Variants in MEGF11 observed in about 807,000 individuals in gnomAD.
MEGF11 encodes the protein multiple EGF like domains 11, also known as multiple epidermal growth factor-like domains protein 11.
A neutral mutation model predicts 146.6 loss-of-function variants in MEGF11; 126 were observed. That is an observed-to-expected ratio of 0.86 (90% CI 0.74 to 1.00). The LOEUF is 1.00. Ranked by LOEUF, MEGF11 falls within the 50% of genes least tolerant of loss-of-function variation. The pLI is 0.00. For synonymous variants in MEGF11, 532 were observed against 583.4 expected (o/e 0.91, Z 1.27); for missense variants, 1,509 against 1,521.2 (o/e 0.99, Z 0.13).
intron 8 of MEGF11, among the ~76,000 whole-genome samples, chr15:65,969,212 G>A (rs1193734151): frequency 6.6e-6 from 1 of 152,204 alleles, no homozygotes. Flanking sequence ...GAGTCCAGCC[G>A]GCTAGAGCCC....
At chr15:65,959,383 C>G (rs1218484370) in intron 9 of MEGF11, among the ~76,000 whole-genome samples, 1 of 152,206 alleles carries the variant, frequency 6.6e-6, no homozygotes, top group Non-Finnish European at 1.5e-5. Flanking sequence ...CTGAATAATA[C>G]TTGCAAGTAG....
intron 5 of MEGF11, among the ~76,000 whole-genome samples, chr15:66,074,635 A>G (rs986435171): frequency 6.6e-6 from 1 of 152,250 alleles, no homozygotes; most frequent in Non-Finnish European, 1.5e-5. Context: ...ACATGACATG[A>G]AATGAATTTA....
chr15:65,928,317 T>A, intron 13 of MEGF11, 108 bp downstream of exon 13: 1 of 625,686 alleles, frequency 1.6e-6, no homozygotes. Flanking sequence ...AGATGCATAC[T>A]CAGGGATCAA....
At chr15:66,180,408 C>A (rs1266814059) in intron 1 of MEGF11, among the ~76,000 whole-genome samples, 1 of 152,192 alleles carries the variant, frequency 6.6e-6, no homozygotes, top group Non-Finnish European at 1.5e-5. Flanking sequence ...CACACACAAC[C>A]CCTCCCCATA....
chr15:66,199,703 T>C (rs1388928477), intron 1 of MEGF11, among the ~76,000 whole-genome samples: 1 of 152,148 alleles, frequency 6.6e-6, no homozygotes, highest in East Asian at 1.9e-4. Context: ...GCAGGAGGAT[T>C]GGTTTGGCCC....
rs189161421 is a variant in MEGF11 at position 66,153,526 on chromosome 15, T to A, written c.-8-25115A>T. Among the ~76,000 whole-genome samples, 35 of 152,038 alleles carry A rather than the reference T, an allele frequency of 2.3e-4. No homozygotes were observed. In the East Asian group the frequency reaches 6.6e-3, roughly 29 times the overall value. On this transcript the variant is annotated intron_variant, in intron 1 of 25. Transcript: ENST00000395614. ...AGGCAGAGGTTGCAGTGAGCCGAGATCATGCCACTGCACTCCAACCTGGGC... is the reference window on the plus strand; with the variant it reads ...AGGCAGAGGTTGCAGTGAGCCGAGAACATGCCACTGCACTCCAACCTGGGC...
Position 66,203,618 on chromosome 15 carries a change from C to T in MEGF11, c.-9+49987G>A, listed in dbSNP as rs191942510. Reference sequence around the variant, plus strand: ...CAGAGAGAAACTGAGTCAGAGAGTCCCAGCTTTGACCCCCTAAGCACCTTT... The same window carrying T: ...CAGAGAGAAACTGAGTCAGAGAGTCTCAGCTTTGACCCCCTAAGCACCTTT... On this transcript the variant is annotated intron_variant, in intron 1 of 25. Transcript: ENST00000395614. Among the ~76,000 whole-genome samples, 21 of 152,224 alleles carry T rather than the reference C, an allele frequency of 1.4e-4. No homozygotes were observed. The East Asian group carries it at 4.1e-3, about 29-fold the overall frequency.
chr15:65,948,056 TTGCTC>T (rs564464157), intron 10 of MEGF11, among the ~76,000 whole-genome samples: 88 of 152,274 alleles, frequency 5.8e-4, no homozygotes, highest in Middle Eastern at 3.4e-3. Context: ...TTTCCCTACT[TTGCTC>T]TGTGAATTAA....
rs865868911 is a variant in MEGF11 at position 65,982,432 on chromosome 15, C to A, written c.451G>T (p.Gly151Cys). 1 of 1,496,596 alleles carries A rather than the reference C, an allele frequency of 6.7e-7. No homozygotes were observed. Among genetic ancestry groups the A allele is most frequent in the Non-Finnish European group, 8.9e-7 (1 of 1,121,048 alleles). The allele number at this position is 1,496,596 out of a possible 1,614,324, so 92.7% of individuals were successfully genotyped here. Reference protein sequence around the residue: ...HCSNRCQCQNGALCNPITGAC... With the variant: ...HCSNRCQCQNCALCNPITGAC... ...CCTGTGATGGGGTTACACAGGGCGC[C>A]GTTCTGGCACTGGCACCGGTTGCTG... Residue 151 changes from glycine to cysteine, a missense_variant, in exon 6 of 26, where the codon GGC becomes TGC. By Grantham distance (159) the Gly-to-Cys change is radical. Transcript: ENST00000395614. This position sits in a 1 kb window ranked among gnomAD's most constrained non-coding sequence, Gnocchi z 5.6.
chr15:66,112,328 C>A lies in MEGF11; in HGVS notation c.301+6758G>T, dbSNP rs572419934. On this transcript the variant is annotated intron_variant, in intron 4 of 25. Coordinates refer to ENST00000395614, the MANE Select transcript of MEGF11 (RefSeq NM_001385028.1). ...AAGCACAACATATCCGAAAAAGAAC[C>A]AATGGCACTCCTAGAAATGAAAAAA... Among the ~76,000 whole-genome samples the A allele has an allele frequency of 5.3e-5, 8 of 152,152 alleles. No homozygotes were observed. The South Asian group carries it at 8.3e-4, about 16-fold the overall frequency.
intron 1 of MEGF11, among the ~76,000 whole-genome samples, chr15:66,164,516 C>T (rs2090046332): frequency 6.6e-6 from 1 of 152,144 alleles, no homozygotes; most frequent in East Asian, 1.9e-4. Context: ...CTTCTCTGAG[C>T]TTTATTTTCC....
rs1484814314 is a variant in MEGF11, at chr15:66,148,972, C to A, written c.-8-20561G>T. ...CCACCTCACCATTTGGGGCCTCAGT[C>A]TCCAGAGCTGTAAGGAGATGCTGAA... On this transcript the variant is annotated intron_variant, in intron 1 of 25. Transcript: ENST00000395614. Among the ~76,000 whole-genome samples the A allele has an allele frequency of 2.0e-5, 3 of 152,238 alleles. No homozygotes were observed. In the East Asian group the frequency reaches 5.8e-4, roughly 29 times the overall value.
intron 5 of MEGF11, among the ~76,000 whole-genome samples, chr15:66,012,978 T>G (rs912663362): frequency 5.9e-5 from 9 of 152,266 alleles, no homozygotes; most frequent in Non-Finnish European, 8.8e-5. Flanking sequence ...GGAGATTAAC[T>G]TCCATCTCAT....
intron 1 of MEGF11, among the ~76,000 whole-genome samples, chr15:66,148,148 G>C (rs2089441249): frequency 6.6e-6 from 1 of 152,226 alleles, no homozygotes; most frequent in East Asian, 1.9e-4. Context: ...ATGGCTCTTA[G>C]TTATATGATA....
intron 1 of MEGF11, among the ~76,000 whole-genome samples, chr15:66,139,335 A>G (rs760524412): frequency 1.3e-5 from 2 of 152,340 alleles, no homozygotes; most frequent in African/African-American, 2.4e-5. Flanking sequence ...AAAATGGTAC[A>G]TAAGTCCCAG....
At chr15:66,115,311 C>T (rs958591903) in intron 4 of MEGF11, among the ~76,000 whole-genome samples, 3 of 152,214 alleles carry the variant, frequency 2.0e-5, no homozygotes, top group East Asian at 1.9e-4. Flanking sequence ...CTCCCAGGCT[C>T]ACAAGTCTCC....
At chr15:66,093,612 A>C (rs751817777) in intron 5 of MEGF11, among the ~76,000 whole-genome samples, 5 of 152,266 alleles carry the variant, frequency 3.3e-5, no homozygotes, top group Non-Finnish European at 7.3e-5. Flanking sequence ...AGACCATGAT[A>C]TTAACCAACC....
intron 5 of MEGF11, among the ~76,000 whole-genome samples, chr15:66,054,497 C>T (rs1393614283): frequency 2.0e-5 from 3 of 152,220 alleles, no homozygotes; most frequent in Non-Finnish European, 4.4e-5. Flanking sequence ...CCCTTCCCCA[C>T]TCTGGCTTCT....
intron 18 of MEGF11, 66 bp downstream of exon 18, chr15:65,916,082 A>G: frequency 6.7e-7 from 1 of 1,492,178 alleles, no homozygotes; most frequent in Non-Finnish European, 9.0e-7. Flanking sequence ...TTGAAGTGGG[A>G]GCCATCCTCT....
Sources: allele counts gnomAD v4.1 joint callset (sites outside exome capture counted in the v4.1 genomes callset), GRCh38; gene constraint gnomAD v4.1.1; non-coding constraint Gnocchi (gnomAD v3.1); transcripts MANE v1.5; gene names NCBI Gene and HGNC (gene_info 2026-07-23, HGNC 2026-07-21).